FER1L6: variants seen among roughly 807,000 people sequenced by gnomAD.
FER1L6 encodes the protein fer-1-like protein 6.
A neutral mutation model predicts 219.2 loss-of-function variants in FER1L6; 177 were observed. The ratio of observed to expected loss-of-function variants is 0.81; its 90% CI spans 0.71 to 0.91. The LOEUF (loss-of-function observed/expected upper bound fraction) is 0.91, where lower values mean the gene tolerates loss of function less well. Among genes scored for constraint, FER1L6 ranks in the 40% least tolerant of loss-of-function variants. The pLI is 0.00. For synonymous variants in FER1L6, 768 were observed against 824.3 expected, an observed-to-expected ratio of 0.93 and a Z score of 1.17; for missense variants, 2,153 against 2,259.9, an observed-to-expected ratio of 0.95 and a Z score of 0.96.
chr8:124,017,733 A>G lies in FER1L6; in HGVS notation c.2013+15A>G. ...GGCAGGAGCTGGTATGTGAAAATCT[A>G]TTTATACTTTGTGGACAGAGTTAAA... On this transcript the variant is annotated intron_variant, in intron 16 of 40. Transcript: ENST00000522917. 6.2e-7 allele frequency: 1 copy of G among 1,602,688 alleles called. No homozygotes were observed. Among genetic ancestry groups the G allele is most frequent in the East Asian group, 2.2e-5 (1 of 44,828 alleles).
chr8:123,917,770 T>G (rs780817827), intron 1 of FER1L6, among the ~76,000 whole-genome samples: 11 of 152,226 alleles, frequency 7.2e-5, no homozygotes, highest in Non-Finnish European at 4.4e-5. Flanking sequence ...TATACACAAA[T>G]TGTATCGCAT....
intron 1 of FER1L6, among the ~76,000 whole-genome samples, chr8:123,945,593 A>G (rs79682070): frequency 5.1e-4 from 78 of 152,352 alleles, no homozygotes; most frequent in African/African-American, 1.7e-3. Context: ...TTTTAAAGTC[A>G]TGTCTGAGGT....
chr8:123,901,811 C>T (rs1042530006), intron 1 of FER1L6, among the ~76,000 whole-genome samples: 4 of 150,334 alleles, frequency 2.7e-5, no homozygotes, highest in South Asian at 2.1e-4. Flanking sequence ...CTCCACCTCC[C>T]GGTTTCACAC....
At chr8:123,933,001 A>G (rs1453106020) in intron 1 of FER1L6, among the ~76,000 whole-genome samples, 1 of 152,208 alleles carries the variant, frequency 6.6e-6, no homozygotes, top group Non-Finnish European at 1.5e-5. Flanking sequence ...ATTTTATACC[A>G]GCCATTCAAC....
At chr8:123,937,068 G>A (rs1814035800) in intron 1 of FER1L6, among the ~76,000 whole-genome samples, 1 of 152,106 alleles carries the variant, frequency 6.6e-6, no homozygotes, top group Non-Finnish European at 1.5e-5. Context: ...ACCATGCCCG[G>A]CTAATTTTTG....
chr8:123,911,801 G>A (rs1402862483), intron 1 of FER1L6, among the ~76,000 whole-genome samples: 3 of 151,054 alleles, frequency 2.0e-5, no homozygotes, highest in African/African-American at 7.3e-5. Context: ...GCCGTAGCCT[G>A]TCATCTAAAC....
intron 6 of FER1L6, among the ~76,000 whole-genome samples, chr8:123,970,674 T>G (rs1815763569): frequency 6.6e-6 from 1 of 151,100 alleles, no homozygotes; most frequent in Non-Finnish European, 1.5e-5. Context: ...CTTGGGAAAT[T>G]GAGTCTGCTG....
At chr8:124,101,459 C>A in intron 38 of FER1L6, 121 bp downstream of exon 38, 3 of 880,078 alleles carry the variant, frequency 3.4e-6, no homozygotes, top group Non-Finnish European at 5.1e-6. Flanking sequence ...ATAGCAAAAA[C>A]CTGGAAACAT....
chr8:123,977,238 C>A (rs149327662), intron 9 of FER1L6, among the ~76,000 whole-genome samples, 179 bp from the exon 10 acceptor site: 1 of 152,210 alleles, frequency 6.6e-6, no homozygotes, highest in African/African-American at 2.4e-5. Flanking sequence ...ATACCTGGCA[C>A]GGTGTCCAGC....
intron 1 of FER1L6, among the ~76,000 whole-genome samples, chr8:123,877,889 G>A (rs940386694): frequency 5.3e-5 from 8 of 152,114 alleles, no homozygotes; most frequent in East Asian, 3.9e-4. Context: ...AAATTATTGC[G>A]GTTCTTTACT....
chr8:124,040,779 T>A (rs1819453699), intron 20 of FER1L6: 1 of 152,284 alleles, frequency 6.6e-6, no homozygotes. Flanking sequence ...CTTCCTCTTC[T>A]TCTGAAGCCA....
intron 25 of FER1L6, among the ~76,000 whole-genome samples, chr8:124,063,045 G>A (rs1158075661): frequency 6.6e-6 from 1 of 152,100 alleles, no homozygotes; most frequent in Admixed American, 6.6e-5. Flanking sequence ...ATTTTAACTT[G>A]TATTTCTCTG....
At chr8:123,924,368 C>G (rs550042985) in intron 1 of FER1L6, among the ~76,000 whole-genome samples, 3 of 151,872 alleles carry the variant, frequency 2.0e-5, no homozygotes, top group African/African-American at 7.2e-5. Flanking sequence ...TGGTAAAACC[C>G]AGTCTCTACT....
chr8:123,890,415 G>C (rs1812619339), intron 1 of FER1L6, among the ~76,000 whole-genome samples: 1 of 151,670 alleles, frequency 6.6e-6, no homozygotes, highest in South Asian at 2.1e-4. Flanking sequence ...TTCATTTGCT[G>C]TTCTTTGGGA....
At position 123,868,486 on chromosome 8, in the gene FER1L6, T is replaced by A. The variant is rs546720910; in HGVS notation, c.-8+16301T>A. ...TTTTCCCTGATCATTTTATTTATGA[T>A]AATTATGGCTCATTTCTTTATATAA... On this transcript the variant is annotated intron_variant, in intron 1 of 40. Transcript: ENST00000522917. 7.2e-5 allele frequency among the ~76,000 whole-genome samples: 11 copies of A among 152,350 alleles called. No individual in the cohort carries two copies. In the South Asian group the frequency reaches 2.3e-3, roughly 32 times the overall value.
chr8:124,023,311 T>G (rs1322871500), intron 17 of FER1L6, 133 bp from the exon 18 acceptor site: 1 of 841,254 alleles, frequency 1.2e-6, no homozygotes, highest in Admixed American at 2.4e-5. Context: ...AGTGCCTAGA[T>G]GGTGTCAGTC....
At chr8:123,946,779 C>T (rs1204968467) in intron 1 of FER1L6, among the ~76,000 whole-genome samples, 6 of 152,182 alleles carry the variant, frequency 3.9e-5, no homozygotes, top group Non-Finnish European at 8.8e-5. Flanking sequence ...TATAATCTCT[C>T]CCAATTCAAA....
chr8:123,930,534 G>C, intron 1 of FER1L6, among the ~76,000 whole-genome samples: 1 of 152,302 alleles, frequency 6.6e-6, no homozygotes, highest in Middle Eastern at 3.4e-3. Context: ...AGGACTTAAT[G>C]GTGAGCACTA....
intron 22 of FER1L6, 129 bp downstream of exon 22, chr8:124,049,885 C>A: frequency 1.1e-6 from 1 of 935,144 alleles, no homozygotes. Flanking sequence ...AATGTGTCTC[C>A]TGGGGACCTG....
Sources: allele counts gnomAD v4.1 joint callset (sites outside exome capture counted in the v4.1 genomes callset), GRCh38; gene constraint gnomAD v4.1.1; transcripts MANE v1.5; gene names NCBI Gene and HGNC (gene_info 2026-07-23, HGNC 2026-07-21).